The following METAP1 variants were observed in gnomAD, a reference collection of about 807,000 sequenced individuals.
METAP1 encodes the protein methionine aminopeptidase 1.
In METAP1, 28 loss-of-function variants were observed where a neutral mutation model predicts 53.8. The ratio of observed to expected loss-of-function variants is 0.52; its 90% confidence interval spans 0.39 to 0.71. The LOEUF (loss-of-function observed/expected upper bound fraction) is 0.71. METAP1 is among the 30% of genes least tolerant of loss of function. METAP1 has a pLI of 0.00. For synonymous variants in METAP1, 181 were observed against 165.7 expected, an observed-to-expected ratio of 1.09 and a Z score of -0.71; for missense variants, 389 against 479.8, an observed-to-expected ratio of 0.81 and a Z score of 1.77.
intron 9 of METAP1, among the ~76,000 whole-genome samples, chr4:99,050,917 C>G (rs1322973671): frequency 1.3e-5 from 2 of 152,160 alleles, no homozygotes; most frequent in African/African-American, 4.8e-5. Flanking sequence ...AGCACAGCAT[C>G]TAATGTGTGT....
At chr4:99,016,280 G>T (rs960208881) in intron 1 of METAP1, among the ~76,000 whole-genome samples, 1 of 152,238 alleles carries the variant, frequency 6.6e-6, no homozygotes, top group Non-Finnish European at 1.5e-5. Flanking sequence ...ATAGGGGGAT[G>T]AACCTGTATC....
intron 8 of METAP1, among the ~76,000 whole-genome samples, chr4:99,047,836 G>C (rs1049369295): frequency 1.3e-5 from 2 of 152,144 alleles, no homozygotes; most frequent in African/African-American, 4.8e-5. Context: ...TGAAACACTA[G>C]TAAAAGTCAT....
chr4:99,023,124 G>A (rs545727005), intron 1 of METAP1: 69 of 939,008 alleles, frequency 7.3e-5, no homozygotes, highest in Admixed American at 2.2e-4. Flanking sequence ...CGATTCCTCT[G>A]CCTCCGTGTT....
chr4:99,053,280 A>G (rs1166621238), intron 9 of METAP1, among the ~76,000 whole-genome samples: 1 of 152,138 alleles, frequency 6.6e-6, no homozygotes, highest in Non-Finnish European at 1.5e-5. Context: ...ACAGGGTCTC[A>G]CTCTGGTTGC....
intron 1 of METAP1, among the ~76,000 whole-genome samples, chr4:99,013,062 T>G (rs1200402846): frequency 1.3e-5 from 2 of 152,170 alleles, no homozygotes; most frequent in Non-Finnish European, 2.9e-5. Context: ...TACTAAATGT[T>G]TTTGTTTTTA....
At chr4:98,998,133 C>T (rs1021931795) in intron 1 of METAP1, among the ~76,000 whole-genome samples, 5 of 152,338 alleles carry the variant, frequency 3.3e-5, no homozygotes, top group East Asian at 1.9e-4. Flanking sequence ...CGAAGTGTCA[C>T]CTGTCTTCTG....
At chr4:99,017,289 C>CT in intron 1 of METAP1, among the ~76,000 whole-genome samples, 1 of 152,374 alleles carries the variant, frequency 6.6e-6, no homozygotes, top group East Asian at 1.9e-4. Flanking sequence ...CAAAAGCATA[C>CT]TTACAGCCTG....
At chr4:98,999,580 G>A (rs1037659338) in intron 1 of METAP1, among the ~76,000 whole-genome samples, 4 of 135,368 alleles carry the variant, frequency 3.0e-5, no homozygotes, top group Admixed American at 7.8e-5. Context: ...GTGTGATCTC[G>A]GCTCACTGCA....
At chr4:99,038,540 A>G (rs1264579597) in intron 4 of METAP1, among the ~76,000 whole-genome samples, 1 of 152,038 alleles carries the variant, frequency 6.6e-6, no homozygotes, top group Non-Finnish European at 1.5e-5. Context: ...ATCCTGATGT[A>G]TTAAGTTTTT....
intron 1 of METAP1, chr4:99,022,407 G>A: frequency 1.4e-6 from 1 of 735,200 alleles, no homozygotes; most frequent in Non-Finnish European, 2.1e-6. Context: ...AGTGGGCCTT[G>A]TCCTAGGCAG....
intron 1 of METAP1, chr4:99,005,832 A>T (rs1423169329): frequency 4.7e-6 from 2 of 421,632 alleles, no homozygotes; most frequent in Admixed American, 5.6e-5. Flanking sequence ...AAAACCAAGT[A>T]CCAGGTCGTC....
chr4:99,024,331 C>T (rs1450891304), intron 1 of METAP1, among the ~76,000 whole-genome samples: 2 of 152,136 alleles, frequency 1.3e-5, no homozygotes, highest in South Asian at 2.1e-4. Flanking sequence ...AGGAGTCTTG[C>T]CGATGTTCCT....
intron 4 of METAP1, among the ~76,000 whole-genome samples, chr4:99,038,449 C>T (rs1309833878): frequency 2.0e-5 from 3 of 151,860 alleles, no homozygotes; most frequent in East Asian, 3.9e-4. Flanking sequence ...TTTACTTTTA[C>T]TTTATTTATG....
chr4:99,000,655 CTTTTTTTT>C (rs781035164), intron 1 of METAP1, among the ~76,000 whole-genome samples: 1 of 112,686 alleles, frequency 8.9e-6, no homozygotes, highest in African/African-American at 3.1e-5. Flanking sequence ...GGAAGAAAGT[CTTTTTTTT>C]TTTTTTTTTT....
intron 1 of METAP1, among the ~76,000 whole-genome samples, chr4:99,011,444 A>C (rs1191851665): frequency 6.6e-6 from 1 of 152,162 alleles, no homozygotes; most frequent in Non-Finnish European, 1.5e-5. Context: ...CATTCTGTTA[A>C]TGTGATGTAT....
chr4:99,045,409 T>C (rs971179074), intron 8 of METAP1, 99 bp downstream of exon 8: 2 of 1,366,246 alleles, frequency 1.5e-6, no homozygotes, highest in Admixed American at 2.5e-5. Context: ...ACCTTCCAGG[T>C]TGCCCCTGTT....
At chr4:98,995,910 CCCT>C in intron 1 of METAP1, 43 bp downstream of exon 1, 1 of 1,454,760 alleles carries the variant, frequency 6.9e-7, no homozygotes, top group Non-Finnish European at 9.4e-7. Flanking sequence ...GCTGCGGGAC[CCCT>C]CCTCGCTTCT....
chr4:99,005,105 A>G (rs976528556), intron 1 of METAP1, among the ~76,000 whole-genome samples: 3 of 152,198 alleles, frequency 2.0e-5, no homozygotes, highest in Non-Finnish European at 2.9e-5. Context: ...ATTGTTTTCC[A>G]AAGTGGTTGT....
intron 1 of METAP1, among the ~76,000 whole-genome samples, chr4:99,007,432 G>A (rs891945205): frequency 4.6e-5 from 7 of 152,114 alleles, no homozygotes; most frequent in Non-Finnish European, 8.8e-5. Context: ...CTGGCACTTG[G>A]AGAGTATGCA....
Sources: allele counts gnomAD v4.1 joint callset (sites outside exome capture counted in the v4.1 genomes callset), GRCh38; gene constraint gnomAD v4.1.1; transcripts MANE v1.5; gene names NCBI Gene and HGNC (gene_info 2026-07-23, HGNC 2026-07-21).